SLC35D4: variants seen among roughly 807,000 people sequenced by gnomAD.
SLC35D4 encodes the protein UDP-N-acetylglucosamine transporter SLC35D4.
At chr18:23,252,850 T>C in the SLC35D4 span, 1 of 680,620 alleles carries the variant, frequency 1.5e-6, no homozygotes, top group African/African-American at 1.8e-5. Context: ...CAATGCAAGT[T>C]TTCCCGTTGC....
chr18:23,323,799 C>T, the SLC35D4 span, among the ~76,000 whole-genome samples: 1 of 152,024 alleles, frequency 6.6e-6, no homozygotes, highest in East Asian at 1.9e-4. Flanking sequence ...AGACCAGAGG[C>T]CGGGTGTGTT....
At chr18:23,324,390 C>G in the SLC35D4 span, among the ~76,000 whole-genome samples, 1 of 152,152 alleles carries the variant, frequency 6.6e-6, no homozygotes, top group Non-Finnish European at 1.5e-5. Context: ...TTCCCTTGCT[C>G]TTTTGGAGAG....
chr18:23,313,392 A>AG, the SLC35D4 span, among the ~76,000 whole-genome samples: 1 of 152,034 alleles, frequency 6.6e-6, no homozygotes, highest in East Asian at 1.9e-4. Context: ...AATAGGGAAA[A>AG]GAAAAAAAAA....
the SLC35D4 span, chr18:23,257,226 G>A: frequency 6.2e-7 from 1 of 1,602,404 alleles, no homozygotes; most frequent in South Asian, 1.1e-5. Context: ...TTTTGTTGCA[G>A]AAACTGGAAG....
At chr18:23,415,612 T>C in the SLC35D4 span, among the ~76,000 whole-genome samples, 1 of 152,206 alleles carries the variant, frequency 6.6e-6, no homozygotes, top group South Asian at 2.1e-4. Context: ...GTCACAACGT[T>C]CTTTTAGAAC....
At chr18:23,268,988 G>A in the SLC35D4 span, among the ~76,000 whole-genome samples, 1 of 152,304 alleles carries the variant, frequency 6.6e-6, no homozygotes, top group African/African-American at 2.4e-5. Context: ...GAAAATCTGT[G>A]GTGTCAGAGA....
chr18:23,297,890 C>A, the SLC35D4 span: 2 of 1,264,428 alleles, frequency 1.6e-6, no homozygotes, highest in South Asian at 1.3e-5. Context: ...GCCTCACTGT[C>A]CTTGCATTCC....
At chr18:23,407,889 T>C in the SLC35D4 span, among the ~76,000 whole-genome samples, 5 of 152,178 alleles carry the variant, frequency 3.3e-5, no homozygotes, top group African/African-American at 7.2e-5. Context: ...GACTTTATCC[T>C]TGGATATGAG....
chr18:23,420,985 T>C, the SLC35D4 span, among the ~76,000 whole-genome samples: 1 of 152,136 alleles, frequency 6.6e-6, no homozygotes, highest in Non-Finnish European at 1.5e-5. Context: ...GGCTCACGCC[T>C]GTAATCCTAG....
At chr18:23,367,113 C>T in the SLC35D4 span, among the ~76,000 whole-genome samples, 1 of 152,198 alleles carries the variant, frequency 6.6e-6, no homozygotes, top group Non-Finnish European at 1.5e-5. Context: ...CCCAAAACAT[C>T]TCCCAGAGCC....
At chr18:23,327,851 C>T in the SLC35D4 span, among the ~76,000 whole-genome samples, 19 of 152,286 alleles carry the variant, frequency 1.2e-4, no homozygotes, top group East Asian at 3.5e-3. Flanking sequence ...AAAAGCTTAT[C>T]CGCCATGATC....
At chr18:23,280,185 C>T in the SLC35D4 span, among the ~76,000 whole-genome samples, 9 of 151,962 alleles carry the variant, frequency 5.9e-5, no homozygotes, top group South Asian at 4.1e-4. Flanking sequence ...TGCTTGCAGA[C>T]GGGCCTCGGC....
the SLC35D4 span, among the ~76,000 whole-genome samples, chr18:23,266,873 C>T: frequency 6.6e-6 from 1 of 152,372 alleles, no homozygotes; most frequent in East Asian, 1.9e-4. Context: ...TCACTCTCCT[C>T]CCCCAGAGAG....
At chr18:23,372,272 T>G in the SLC35D4 span, among the ~76,000 whole-genome samples, 1 of 152,078 alleles carries the variant, frequency 6.6e-6, no homozygotes, top group Non-Finnish European at 1.5e-5. Flanking sequence ...CTCCCTGCCC[T>G]CCCCTCTCCT....
the SLC35D4 span, among the ~76,000 whole-genome samples, chr18:23,405,359 T>C: frequency 1.4e-4 from 22 of 152,074 alleles, no homozygotes; most frequent in Non-Finnish European, 2.8e-4. Context: ...GGCTAATTTT[T>C]GTATTTCTTA....
chr18:23,327,360 A>T, the SLC35D4 span, among the ~76,000 whole-genome samples: 4 of 152,234 alleles, frequency 2.6e-5, no homozygotes. Flanking sequence ...AAAAATGATA[A>T]AGGGGATATC....
chr18:23,344,203 T>G, the SLC35D4 span, among the ~76,000 whole-genome samples: 2 of 152,216 alleles, frequency 1.3e-5, no homozygotes, highest in South Asian at 4.1e-4. Context: ...TTTTTATGGC[T>G]GCATAGTATC....
chr18:23,391,530 T>G, the SLC35D4 span, among the ~76,000 whole-genome samples: 2 of 152,352 alleles, frequency 1.3e-5, no homozygotes, highest in East Asian at 1.9e-4. Flanking sequence ...GTTGACTTTT[T>G]TTGCTAGAAT....
the SLC35D4 span, among the ~76,000 whole-genome samples, chr18:23,329,033 T>C: frequency 2.0e-5 from 3 of 152,278 alleles, no homozygotes. Context: ...ATCCCTTCCT[T>C]ACACCTTATA....
Sources: gnomAD v4.1 joint callset for allele counts (sites outside exome capture counted in the v4.1 genomes callset) on GRCh38, gnomAD v4.1.1 for gene constraint, MANE v1.5 for transcripts, NCBI Gene and HGNC (gene_info 2026-07-23, HGNC 2026-07-21) for gene names.